The following CNTN5 variants were observed in gnomAD, a reference collection of about 807,000 sequenced individuals.
CNTN5 encodes contactin 5.
In CNTN5, 77 loss-of-function variants were observed where a neutral mutation model predicts 129.1. The observed-to-expected ratio is 0.60, with a 90% CI of 0.50 to 0.72. The LOEUF (loss-of-function observed/expected upper bound fraction) is 0.72, where lower values mean the gene tolerates loss of function less well. CNTN5 is among the 30% of genes least tolerant of loss of function. The pLI, the probability that CNTN5 is intolerant of heterozygous loss-of-function variation, is 0.00. For synonymous variants in CNTN5, 509 were observed against 465.6 expected, an observed-to-expected ratio of 1.09 and a Z score of -1.20; for missense variants, 1,478 against 1,328.8, an observed-to-expected ratio of 1.11 and a Z score of -1.75.
At chr11:100,205,431 GA>G (rs1948893245) in intron 15 of CNTN5, among the ~76,000 whole-genome samples, 1 of 151,964 alleles carries the variant, frequency 6.6e-6, no homozygotes, top group Non-Finnish European at 1.5e-5. Flanking sequence ...GGAGGAAGAG[GA>G]AATTTTAGAA....
intron 3 of CNTN5, among the ~76,000 whole-genome samples, chr11:99,568,072 G>C (rs1949064444): frequency 6.6e-6 from 1 of 152,000 alleles, no homozygotes; most frequent in South Asian, 2.1e-4. Context: ...TAACTTATTA[G>C]GTCAGCTAAA....
intron 1 of CNTN5, among the ~76,000 whole-genome samples, chr11:99,032,908 G>A (rs1483245872): frequency 5.6e-4 from 78 of 139,136 alleles, no homozygotes; most frequent in Non-Finnish European, 1.1e-3. Flanking sequence ...TAGGTCTAAC[G>A]TTTAAGTCTT....
At chr11:100,105,983 T>C (rs183938139) in intron 13 of CNTN5, among the ~76,000 whole-genome samples, 1 of 152,326 alleles carries the variant, frequency 6.6e-6, no homozygotes, top group East Asian at 1.9e-4. Context: ...GTATACTTTT[T>C]AATGGAACAC....
At chr11:99,861,009 G>T (rs1053591969) in intron 6 of CNTN5, among the ~76,000 whole-genome samples, 1 of 134,710 alleles carries the variant, frequency 7.4e-6, no homozygotes, top group Non-Finnish European at 1.5e-5. Context: ...AGGCTGGAGT[G>T]CAGTGGCGCA....
intron 2 of CNTN5, among the ~76,000 whole-genome samples, chr11:99,375,041 G>T (rs189701424): frequency 1.3e-5 from 2 of 152,212 alleles, no homozygotes; most frequent in East Asian, 1.9e-4. Context: ...GATGGTTCAC[G>T]CCTGTAATCC....
intron 7 of CNTN5, among the ~76,000 whole-genome samples, chr11:99,919,750 T>C (rs556663600): frequency 6.6e-6 from 1 of 152,230 alleles, no homozygotes; most frequent in South Asian, 2.1e-4. Context: ...CTCATGTCCC[T>C]AGGCAATTTT....
At chr11:99,729,903 G>A (rs1943473899) in intron 3 of CNTN5, among the ~76,000 whole-genome samples, 1 of 152,102 alleles carries the variant, frequency 6.6e-6, no homozygotes, top group South Asian at 2.1e-4. Context: ...TGTGGGGGTG[G>A]TGGTGGTACA....
intron 8 of CNTN5, among the ~76,000 whole-genome samples, chr11:99,993,044 G>C (rs535266873): frequency 1.3e-5 from 2 of 152,258 alleles, no homozygotes; most frequent in African/African-American, 4.8e-5. Context: ...TTTGATCTTT[G>C]ACTGTGTGTC....
chr11:99,218,518 A>C (rs1860241644), intron 1 of CNTN5, among the ~76,000 whole-genome samples: 1 of 152,128 alleles, frequency 6.6e-6, no homozygotes, highest in African/African-American at 2.4e-5. Flanking sequence ...TTAGAATGTG[A>C]AGATGGGGGA....
chr11:99,490,869 C>G (rs962437042), intron 2 of CNTN5, among the ~76,000 whole-genome samples: 1 of 152,018 alleles, frequency 6.6e-6, no homozygotes, highest in Admixed American at 6.6e-5. Context: ...CTTAGGGAAT[C>G]CTCTGGGCAG....
rs201853703 is a variant in CNTN5, at chr11:99,243,739, T to TA, written c.-209-81607_-209-81606insA. On this transcript the variant is annotated intron_variant, in intron 1 of 24. Coordinates refer to ENST00000524871, the MANE Select transcript of CNTN5 (RefSeq NM_014361.4). Reference sequence around the variant, plus strand: ...GGAAGTCCTTTCCCTATTGCTTATTTTTTTTTTTTTTTTTTGGAGATCAGT... The same window carrying TA: ...GGAAGTCCTTTCCCTATTGCTTATTTATTTTTTTTTTTTTTTGGAGATCAGT... 3.7e-3 allele frequency among the ~76,000 whole-genome samples: 471 copies of TA among 127,704 alleles called. 3 individuals are homozygous for TA. Among genetic ancestry groups the TA allele is most frequent in the African/African-American group, 0.011 (453 of 39,734 alleles). 83.8% of individuals were successfully genotyped at this position (127,704 alleles called of 152,430 possible).
At chr11:99,482,673 C>T (rs2135317898) in intron 2 of CNTN5, among the ~76,000 whole-genome samples, 1 of 152,026 alleles carries the variant, frequency 6.6e-6, no homozygotes, top group South Asian at 2.1e-4. Context: ...TGCAAAATCC[C>T]AAACTATAAA....
At chr11:99,882,803 A>G (rs1948806072) in intron 6 of CNTN5, among the ~76,000 whole-genome samples, 1 of 152,146 alleles carries the variant, frequency 6.6e-6, no homozygotes, top group Non-Finnish European at 1.5e-5. Flanking sequence ...AGTAAGTCTT[A>G]TTCATTCTTT....
At chr11:99,527,344 G>T (rs1267269351) in intron 2 of CNTN5, among the ~76,000 whole-genome samples, 4 of 152,110 alleles carry the variant, frequency 2.6e-5, no homozygotes, top group African/African-American at 4.8e-5. Flanking sequence ...AGGCATGAGG[G>T]ATATTAATGT....
chr11:99,120,336 A>G (rs142858683), intron 1 of CNTN5: 72 of 152,224 alleles, frequency 4.7e-4, no homozygotes, highest in African/African-American at 1.7e-3. Flanking sequence ...GTTGAAGAGA[A>G]CAGCCATCCT....
At chr11:99,999,784 T>G (rs1299100437) in intron 8 of CNTN5, among the ~76,000 whole-genome samples, 1 of 151,958 alleles carries the variant, frequency 6.6e-6, no homozygotes, top group East Asian at 1.9e-4. Context: ...TAGACTGGAT[T>G]AAGAAAATGT....
At chr11:99,166,950 A>T (rs1353635407) in intron 1 of CNTN5, among the ~76,000 whole-genome samples, 1 of 152,146 alleles carries the variant, frequency 6.6e-6, no homozygotes. Context: ...ATTATCCACT[A>T]CATTTTTGTA....
At chr11:99,360,374 G>A (rs1939023064) in intron 2 of CNTN5, among the ~76,000 whole-genome samples, 1 of 152,158 alleles carries the variant, frequency 6.6e-6, no homozygotes, top group African/African-American at 2.4e-5. Context: ...GCTCTAGTGG[G>A]TCTGTCTGTA....
chr11:100,022,186 C>A (rs115068853), intron 9 of CNTN5, among the ~76,000 whole-genome samples: 2 of 152,290 alleles, frequency 1.3e-5, no homozygotes, highest in African/African-American at 2.4e-5. Context: ...TTAATATTAA[C>A]CATCACAGCA....
Sources: allele counts gnomAD v4.1 joint callset (sites outside exome capture counted in the v4.1 genomes callset), GRCh38; gene constraint gnomAD v4.1.1; transcripts MANE v1.5; gene names NCBI Gene and HGNC (gene_info 2026-07-23, HGNC 2026-07-21).